Variants in LCLAT1 observed in about 807,000 individuals in gnomAD.
The protein encoded by LCLAT1 is lysocardiolipin acyltransferase 1.
In LCLAT1, 11 loss-of-function variants were observed where a neutral mutation model predicts 30.7. That is an observed-to-expected ratio of 0.36 (90% CI 0.23 to 0.59). LCLAT1 has a LOEUF of 0.59. LCLAT1 is among the 20% of genes least tolerant of loss of function. LCLAT1 has a pLI of 0.77. For missense variants in LCLAT1, 402 were observed against 458.6 expected, an observed-to-expected ratio of 0.88 and a Z score of 1.13; for synonymous variants, 155 against 151.3, an observed-to-expected ratio of 1.02 and a Z score of -0.18.
At chr2:30,508,672 A>G (rs1684792730) in intron 1 of LCLAT1, among the ~76,000 whole-genome samples, 1 of 152,038 alleles carries the variant, frequency 6.6e-6, no homozygotes, top group Non-Finnish European at 1.5e-5. Context: ...ATATAGTTTT[A>G]AGTTGGGTAG....
chr2:30,598,657 T>G (rs771155402), intron 5 of LCLAT1, among the ~76,000 whole-genome samples: 2 of 152,192 alleles, frequency 1.3e-5, no homozygotes, highest in Non-Finnish European at 2.9e-5. Flanking sequence ...TGTCCTTCAC[T>G]TCTGCTCTGA....
chr2:30,608,359 T>TTTATTATTA (rs1256348775), intron 5 of LCLAT1, among the ~76,000 whole-genome samples: 1 of 151,778 alleles, frequency 6.6e-6, no homozygotes, highest in African/African-American at 2.4e-5. Context: ...CTAAGGTTAA[T>TTTATTATTA]TTATTATTGA....
chr2:30,500,126 A>G (rs1396446990), intron 1 of LCLAT1, among the ~76,000 whole-genome samples: 2 of 152,230 alleles, frequency 1.3e-5, no homozygotes, highest in African/African-American at 2.4e-5. Flanking sequence ...TCCATGGTTG[A>G]TAGAATTCAA....
chr2:30,575,696 G>A (rs963086163), intron 5 of LCLAT1, among the ~76,000 whole-genome samples: 6 of 151,984 alleles, frequency 3.9e-5, no homozygotes, highest in African/African-American at 1.5e-4. Flanking sequence ...ACAGAAACAC[G>A]TTATTGGTAA....
intron 1 of LCLAT1, among the ~76,000 whole-genome samples, chr2:30,448,158 A>G (rs114056386): frequency 1.4e-3 from 213 of 152,358 alleles, no homozygotes; most frequent in African/African-American, 5.0e-3. Context: ...TCTTGTGTAC[A>G]TGGCAGTAGA....
chr2:30,508,070 C>T (rs11675861), intron 1 of LCLAT1, among the ~76,000 whole-genome samples: 5,422 of 152,140 alleles, frequency 0.036, 118 homozygotes, highest in South Asian at 0.054. Flanking sequence ...CTCATATGCT[C>T]GTTGGCCACA....
At position 30,600,352 on chromosome 2, in the gene LCLAT1, T is replaced by C. The variant is rs141634895; in HGVS notation, c.628+32176T>C. Among the ~76,000 whole-genome samples, 42 of 152,268 alleles carry C rather than the reference T, an allele frequency of 2.8e-4. No homozygotes were observed. The East Asian group carries it at 7.9e-3, about 29-fold the overall frequency. On this transcript the variant is annotated intron_variant, in intron 5 of 5. Transcript: ENST00000379509. ...ACAAAGAGATAATGTACTAGAATCT[T>C]GAACACAGCTAAAGCAGTGTTAAGA...
intron 5 of LCLAT1, 150 bp downstream of exon 5, chr2:30,568,326 C>G: frequency 1.9e-6 from 1 of 515,000 alleles, no homozygotes; most frequent in Non-Finnish European, 3.5e-6. Flanking sequence ...GGCCTATGTA[C>G]TAAAATGTTT....
chr2:30,604,012 G>A (rs1191699211), intron 5 of LCLAT1, among the ~76,000 whole-genome samples: 1 of 152,132 alleles, frequency 6.6e-6, no homozygotes, highest in African/African-American at 2.4e-5. Context: ...TATTTACCTG[G>A]CTGTATAATA....
chr2:30,640,784 A>AT lies in LCLAT1; in HGVS notation c.*165_*166insT, dbSNP rs1236229197. ...AATTTTGTGGGAAAAATATTGCTAC[A>AT]ATTTTTTTTAATCTCTGAATGTAAT... is the stretch of plus-strand genomic sequence containing the variant. On this transcript the variant is annotated 3_prime_UTR_variant, in exon 6 of 6. Coordinates refer to ENST00000379509, the MANE Select transcript of LCLAT1 (RefSeq NM_001002257.3). The AT allele has an allele frequency of 9.8e-5, 78 of 795,970 alleles. No individual in the cohort carries two copies. Among genetic ancestry groups the AT allele is most frequent in the Non-Finnish European group, 1.3e-4 (71 of 527,226 alleles). 49.3% of individuals were successfully genotyped at this position (795,970 alleles called of 1,614,324 possible). A position where few individuals can be genotyped will look rare whatever the true frequency, so the allele number is the denominator to read the frequency against.
At chr2:30,606,104 G>A (rs1462407655) in intron 5 of LCLAT1, 7 of 1,041,134 alleles carry the variant, frequency 6.7e-6, no homozygotes, top group Non-Finnish European at 9.2e-6. Context: ...ACAAACAAAT[G>A]GAAAAACACT....
At chr2:30,566,326 GTGTCTATGGGATTCCTAA>G (rs1366166894) in intron 4 of LCLAT1, among the ~76,000 whole-genome samples, 1 of 152,128 alleles carries the variant, frequency 6.6e-6, no homozygotes, top group Non-Finnish European at 1.5e-5. Context: ...CATCTTTGTG[GTGTCTATGGGATTCCTAA>G]TCCCATTTAA....
chr2:30,517,200 T>C (rs1309982344), intron 1 of LCLAT1, among the ~76,000 whole-genome samples: 2 of 152,146 alleles, frequency 1.3e-5, no homozygotes, highest in Non-Finnish European at 2.9e-5. Context: ...TACTAATGCT[T>C]CAGACTTTCA....
intron 3 of LCLAT1, among the ~76,000 whole-genome samples, chr2:30,534,694 A>G (rs1343153201): frequency 6.6e-6 from 1 of 152,154 alleles, no homozygotes; most frequent in Non-Finnish European, 1.5e-5. Flanking sequence ...GAACACTTTC[A>G]CTTGAGAACC....
At chr2:30,610,272 T>C (rs1667672781) in intron 5 of LCLAT1, among the ~76,000 whole-genome samples, 1 of 152,116 alleles carries the variant, frequency 6.6e-6, no homozygotes, top group African/African-American at 2.4e-5. Flanking sequence ...CAATACATTA[T>C]AATTAGGCAT....
intron 5 of LCLAT1, among the ~76,000 whole-genome samples, chr2:30,591,973 ATTTG>A (rs1160563928): frequency 6.6e-6 from 1 of 152,144 alleles, no homozygotes; most frequent in Admixed American, 6.5e-5. Context: ...TAGTATAATA[ATTTG>A]TTTATTTACA....
intron 4 of LCLAT1, among the ~76,000 whole-genome samples, chr2:30,563,270 C>G (rs1247418813): frequency 6.6e-6 from 1 of 152,166 alleles, no homozygotes; most frequent in Non-Finnish European, 1.5e-5. Flanking sequence ...ACAAAATACT[C>G]AACAGTCTGT....
chr2:30,573,288 A>G (rs530856722), intron 5 of LCLAT1, among the ~76,000 whole-genome samples: 1 of 152,238 alleles, frequency 6.6e-6, no homozygotes, highest in South Asian at 2.1e-4. Context: ...CCTTCATTGT[A>G]TGTTCCCTGA....
intron 5 of LCLAT1, among the ~76,000 whole-genome samples, chr2:30,601,896 G>GAT (rs756949963): frequency 1.5e-4 from 17 of 114,608 alleles, no homozygotes; most frequent in African/African-American, 3.2e-4. Flanking sequence ...TATATCTATA[G>GAT]ATATATATAT....
Sources: gnomAD v4.1 joint callset for allele counts (sites outside exome capture counted in the v4.1 genomes callset) on GRCh38, gnomAD v4.1.1 for gene constraint, MANE v1.5 for transcripts, NCBI Gene and HGNC (gene_info 2026-07-23, HGNC 2026-07-21) for gene names.